Variants in FILIP1L observed in about 807,000 individuals in gnomAD.
The protein encoded by FILIP1L is filamin A interacting protein 1 like, also known as filamin A-interacting protein 1-like.
In FILIP1L, 55 loss-of-function variants were observed where a neutral mutation model predicts 96.6. The observed-to-expected ratio is 0.57, with a 90% confidence interval of 0.46 to 0.71. The LOEUF (loss-of-function observed/expected upper bound fraction) is 0.71, where lower values mean the gene tolerates loss of function less well. FILIP1L is among the 30% of genes least tolerant of loss of function. The pLI is 0.00. For missense variants in FILIP1L, 1,304 were observed against 1,321.2 expected (o/e 0.99, Z 0.20); for synonymous variants, 467 against 473.9 (o/e 0.99, Z 0.19).
chr3:100,059,882 A>G (rs1168052978), intron 1 of FILIP1L, among the ~76,000 whole-genome samples: 2 of 152,222 alleles, frequency 1.3e-5, no homozygotes, highest in Non-Finnish European at 2.9e-5. Context: ...GGCCAAACAA[A>G]ACATGCATGT....
chr3:99,893,535 A>G (rs1487162977), intron 4 of FILIP1L, among the ~76,000 whole-genome samples: 1 of 152,148 alleles, frequency 6.6e-6, no homozygotes, highest in Non-Finnish European at 1.5e-5. Flanking sequence ...ATAGAATTTG[A>G]AGTCTTCTCA....
In FILIP1L at chr3:99,850,737, G is replaced by A; in HGVS notation, c.939C>T (p.Leu313=). 1.2e-6 allele frequency: 2 copies of A among 1,614,176 alleles called. No homozygotes were observed. Among genetic ancestry groups the A allele is most frequent in the Non-Finnish European group, 8.5e-7 (1 of 1,180,032 alleles). Residue 313 remains leucine (L), a synonymous_variant, in exon 5 of 6, where the codon CTC becomes CTT. Transcript: ENST00000477258. The part of the protein sequence containing the change: ...HQDQDTIMAK[L]TNEDSQNRQL... ...GGCGATTTTGACTGTCCTCATTGGT[G>A]AGCTTCGCCATAATTGTGTCTTGGT...
chr3:99,982,598 C>T (rs901994403), intron 1 of FILIP1L, among the ~76,000 whole-genome samples: 2 of 152,178 alleles, frequency 1.3e-5, no homozygotes, highest in East Asian at 1.9e-4. Context: ...CCTACCTCAG[C>T]GTCCCAAAGT....
chr3:100,078,870 G>T (rs997713735), intron 1 of FILIP1L, among the ~76,000 whole-genome samples: 1 of 152,110 alleles, frequency 6.6e-6, no homozygotes, highest in South Asian at 2.1e-4. Flanking sequence ...CAGCCTGAGC[G>T]ACAGAGTGGG....
Position 100,010,994 on chromosome 3 carries a change from C to G in FILIP1L, c.-10-79964G>C, listed in dbSNP as rs141511537. On this transcript the variant is annotated intron_variant, in intron 1 of 5. Transcript: ENST00000477258. ...TGCCCCTTTTAAAACAGTTATTTAA[C>G]AGAAGAAATAGAAAAATACACAATT... 7.1e-3 allele frequency among the ~76,000 whole-genome samples: 1,083 copies of G among 151,956 alleles called. 17 individuals are homozygous for G. Among genetic ancestry groups the G allele is most frequent in the African/African-American group, 0.025 (1,046 of 41,428 alleles).
intron 4 of FILIP1L, among the ~76,000 whole-genome samples, chr3:99,909,877 T>C (rs573082146): frequency 6.6e-6 from 1 of 152,326 alleles, no homozygotes; most frequent in African/African-American, 2.4e-5. Context: ...TTTCCTGTTC[T>C]TTCACTTGAG....
chr3:100,050,244 C>G (rs1489816), intron 1 of FILIP1L, among the ~76,000 whole-genome samples: 28,081 of 152,032 alleles, frequency 0.18, 2,934 homozygotes, highest in South Asian at 0.25. Context: ...CACTGTGGTG[C>G]TGTATTAACC....
At chr3:99,868,748 A>G (rs929280390) in intron 4 of FILIP1L, among the ~76,000 whole-genome samples, 5 of 152,064 alleles carry the variant, frequency 3.3e-5, no homozygotes, top group African/African-American at 1.2e-4. Context: ...TCTTTTTTGG[A>G]ATGCTGCATT....
intron 4 of FILIP1L, among the ~76,000 whole-genome samples, chr3:99,886,042 G>A (rs1314266408): frequency 1.3e-5 from 2 of 152,218 alleles, no homozygotes; most frequent in Non-Finnish European, 2.9e-5. Context: ...GTGGATAAAA[G>A]AGGTATTACA....
chr3:100,092,564 C>T (rs2066128912), intron 1 of FILIP1L, among the ~76,000 whole-genome samples: 1 of 150,716 alleles, frequency 6.6e-6, no homozygotes, highest in Non-Finnish European at 1.5e-5. Context: ...TATTTGCATG[C>T]CCAGTACACA....
intron 1 of FILIP1L, among the ~76,000 whole-genome samples, chr3:99,943,962 G>A (rs940950420): frequency 1.3e-5 from 2 of 152,192 alleles, no homozygotes; most frequent in African/African-American, 2.4e-5. Flanking sequence ...ACAAGATGCT[G>A]TGCCTGGTAC....
intron 1 of FILIP1L, among the ~76,000 whole-genome samples, chr3:99,958,059 C>CTT (rs201659331): frequency 3.6e-5 from 5 of 139,530 alleles, no homozygotes; most frequent in African/African-American, 1.3e-4. Context: ...AATGTCACTT[C>CTT]TTTTTTTTTT....
intron 1 of FILIP1L, among the ~76,000 whole-genome samples, chr3:99,957,702 T>C (rs1708369078): frequency 8.5e-6 from 1 of 117,370 alleles, no homozygotes; most frequent in African/African-American, 3.4e-5. Flanking sequence ...TCTTTTTTTT[T>C]TTTTTTTTTT....
intron 1 of FILIP1L, among the ~76,000 whole-genome samples, chr3:99,976,807 A>G (rs1026688354): frequency 7.9e-5 from 12 of 152,026 alleles, no homozygotes; most frequent in African/African-American, 2.4e-4. Context: ...TTTTTAGAAG[A>G]TGTTTGACCA....
chr3:100,059,620 AG>A (rs2065525616), intron 1 of FILIP1L, among the ~76,000 whole-genome samples: 1 of 152,312 alleles, frequency 6.6e-6, no homozygotes, highest in Admixed American at 6.5e-5. Context: ...GTGAGCCAGA[AG>A]GCGGGGGCCA....
intron 1 of FILIP1L, among the ~76,000 whole-genome samples, chr3:100,018,728 C>T (rs929578936): frequency 4.3e-5 from 4 of 92,684 alleles, no homozygotes; most frequent in African/African-American, 7.9e-5. Context: ...TAAAAGTTTC[C>T]GCATAGCAAA....
chr3:99,886,413 GA>G (rs558855699), intron 4 of FILIP1L, among the ~76,000 whole-genome samples: 2,472 of 142,660 alleles, frequency 0.017, 53 homozygotes, highest in African/African-American at 0.056. Context: ...TACCTGATGA[GA>G]AAAAAAAAAA....
rs370064657 is a variant in FILIP1L, at chr3:99,930,026, G to C, written c.256C>G (p.Arg86Gly). The change falls in exon 3 of 6, where the codon CGA becomes GGA. Residue 86 changes from arginine (R) to glycine (G), a missense_variant. Coordinates refer to ENST00000477258, the MANE Select transcript of FILIP1L (RefSeq NM_001387850.1). ...LSILEGELQA[R>G]DEVIGILKAE... is the part of the protein sequence containing the mutation. Reference sequence around the variant, plus strand: ...TTTAAAATGCCTATGACCTCATCTCGAGCCTGTAGGAACAAAAAGTATTTC... The same window carrying C: ...TTTAAAATGCCTATGACCTCATCTCCAGCCTGTAGGAACAAAAAGTATTTC... 4 of 1,597,952 alleles carry C rather than the reference G, an allele frequency of 2.5e-6. No homozygotes were observed. The highest frequency in any genetic ancestry group is 3.4e-6 in the Non-Finnish European group (4 of 1,173,786).
At chr3:100,078,783 C>T (rs1214121646) in intron 1 of FILIP1L, among the ~76,000 whole-genome samples, 5 of 152,020 alleles carry the variant, frequency 3.3e-5, no homozygotes, top group African/African-American at 1.2e-4. Flanking sequence ...CCAAGCTACT[C>T]GGGAGGCTAA....
Sources: allele counts gnomAD v4.1 joint callset (sites outside exome capture counted in the v4.1 genomes callset), GRCh38; gene constraint gnomAD v4.1.1; transcripts MANE v1.5; gene names NCBI Gene and HGNC (gene_info 2026-07-23, HGNC 2026-07-21).